The following FMNL2 variants were observed in gnomAD, a reference collection of about 807,000 sequenced individuals.
FMNL2 encodes formin like 2.
FMNL2 carries 51 observed loss-of-function variants against 130.2 expected under a neutral mutation model. The ratio of observed to expected loss-of-function variants is 0.39; its 90% CI spans 0.31 to 0.49. The LOEUF is 0.49. FMNL2 is among the 20% of genes least tolerant of loss of function. FMNL2 has a pLI of 0.85. For missense variants in FMNL2, 977 were observed against 1,316.2 expected (o/e 0.74, Z 3.99); for synonymous variants, 465 against 467.1 (o/e 1.00, Z 0.06).
intron 1 of FMNL2, among the ~76,000 whole-genome samples, chr2:152,412,446 TTATATATATATA>T (rs56681937): frequency 3.2e-3 from 329 of 103,076 alleles, no homozygotes; most frequent in Middle Eastern, 9.8e-3. Flanking sequence ...TCTGTATATT[TTATATATATATA>T]TATATATATA....
chr2:152,504,523 G>A (rs1692043114), intron 1 of FMNL2, among the ~76,000 whole-genome samples: 1 of 151,504 alleles, frequency 6.6e-6, no homozygotes, highest in Non-Finnish European at 1.5e-5. Context: ...GGGATTACAG[G>A]CATGAGCCAC....
chr2:152,557,963 G>A (rs1450664465), intron 4 of FMNL2, among the ~76,000 whole-genome samples: 9 of 152,110 alleles, frequency 5.9e-5, no homozygotes, highest in Admixed American at 5.9e-4. Flanking sequence ...GTAAAAGGGG[G>A]TGGTGACATT....
rs538758530 is a variant in FMNL2 at position 152,621,619 on chromosome 2, A to C, written c.1837+1901A>C. Among the ~76,000 whole-genome samples the C allele has an allele frequency of 2.0e-5, 3 of 152,290 alleles. No homozygotes were observed. In the South Asian group the frequency reaches 6.2e-4, roughly 32 times the overall value. On this transcript the variant is annotated intron_variant, in intron 15 of 25. Transcript: ENST00000288670. ...AGTGTCCACTAAATGATTGTGAGGG[A>C]TGTCTTGGAAGCATTATAAGATCCT...
At chr2:152,351,918 G>A (rs961678832) in intron 1 of FMNL2, among the ~76,000 whole-genome samples, 7 of 152,308 alleles carry the variant, frequency 4.6e-5, no homozygotes, top group South Asian at 2.1e-4. Flanking sequence ...GTATCTCATC[G>A]TGGTTTTGAT....
intron 1 of FMNL2, among the ~76,000 whole-genome samples, chr2:152,449,858 C>T (rs903651236): frequency 1.1e-4 from 17 of 152,190 alleles, no homozygotes; most frequent in Non-Finnish European, 5.9e-5. Context: ...GCATAACCTT[C>T]CTACATTTTC....
At chr2:152,500,059 G>C (rs1488486218) in intron 1 of FMNL2, among the ~76,000 whole-genome samples, 2 of 152,194 alleles carry the variant, frequency 1.3e-5, no homozygotes, top group East Asian at 3.9e-4. Context: ...TACTTTATTA[G>C]AGCTCACCCG....
rs571847429 is a variant in FMNL2 at position 152,592,845 on chromosome 2, T to C, written c.876+11796T>C. ...ATAACATGTCTCACATTCCAGGCAC[T>C]TTCCACACATGTTCGTATATTGTCC... On this transcript the variant is annotated intron_variant, in intron 9 of 25. Coordinates refer to ENST00000288670, the MANE Select transcript of FMNL2 (RefSeq NM_052905.4). 1.1e-4 allele frequency among the ~76,000 whole-genome samples: 16 copies of C among 152,296 alleles called. No individual in the cohort carries two copies. In the South Asian group the frequency reaches 3.3e-3, roughly 32 times the overall value.
intron 1 of FMNL2, among the ~76,000 whole-genome samples, chr2:152,405,051 A>G (rs1447768792): frequency 6.6e-6 from 1 of 152,196 alleles, no homozygotes; most frequent in Non-Finnish European, 1.5e-5. Flanking sequence ...GTATTCTGAC[A>G]TGTTGAGAAA....
chr2:152,369,834 T>G (rs899512459), intron 1 of FMNL2, among the ~76,000 whole-genome samples: 5 of 152,230 alleles, frequency 3.3e-5, no homozygotes, highest in African/African-American at 4.8e-5. Context: ...GGAAGGCATT[T>G]ATAGCATAAT....
intron 9 of FMNL2, among the ~76,000 whole-genome samples, chr2:152,588,911 T>C (rs536166946): frequency 7.9e-5 from 12 of 152,206 alleles, no homozygotes; most frequent in Non-Finnish European, 1.6e-4. Flanking sequence ...CAATTAACAG[T>C]GGGCTCAGCA....
At chr2:152,410,775 T>A (rs1363975583) in intron 1 of FMNL2, among the ~76,000 whole-genome samples, 1 of 152,160 alleles carries the variant, frequency 6.6e-6, no homozygotes, top group Non-Finnish European at 1.5e-5. Flanking sequence ...AAAAAGTGAA[T>A]CCTATCCCCA....
At chr2:152,514,737 A>G (rs1301763419) in intron 1 of FMNL2, among the ~76,000 whole-genome samples, 2 of 152,212 alleles carry the variant, frequency 1.3e-5, no homozygotes, top group Non-Finnish European at 2.9e-5. Context: ...ATACTATAAT[A>G]AAAGTTTATG....
intron 9 of FMNL2, among the ~76,000 whole-genome samples, chr2:152,586,421 T>C (rs1373303938): frequency 6.6e-6 from 1 of 152,220 alleles, no homozygotes. Flanking sequence ...TTATTTATAG[T>C]GGACCAAATT....
rs187086301 is a variant in FMNL2, at chr2:152,429,318, C to T, written c.118-92625C>T. Among the ~76,000 whole-genome samples the T allele has an allele frequency of 2.1e-3, 316 of 152,056 alleles. 2 individuals carry two copies. Among genetic ancestry groups the T allele is most frequent in the African/African-American group, 7.4e-3 (308 of 41,462 alleles). The stretch of plus-strand genomic sequence containing the variant: ...AGAGCTGTCCCTTTCTAGGCCGGTG[C>T]CCCTGCCTTACATTGTGTGTAAACT... On this transcript the variant is annotated intron_variant, in intron 1 of 25. Coordinates refer to ENST00000288670, the MANE Select transcript of FMNL2 (RefSeq NM_052905.4).
chr2:152,490,960 A>G (rs1346166077), intron 1 of FMNL2, among the ~76,000 whole-genome samples: 1 of 152,126 alleles, frequency 6.6e-6, no homozygotes. Context: ...CTTGCCTGCC[A>G]TGTGCCTTGG....
chr2:152,409,544 T>C (rs1686172640), intron 1 of FMNL2, among the ~76,000 whole-genome samples: 1 of 152,228 alleles, frequency 6.6e-6, no homozygotes, highest in Non-Finnish European at 1.5e-5. Flanking sequence ...TGGTGAAGTT[T>C]CACAGTCTTG....
intron 9 of FMNL2, among the ~76,000 whole-genome samples, chr2:152,607,090 A>G (rs1047131389): frequency 6.6e-6 from 1 of 151,334 alleles, no homozygotes; most frequent in Non-Finnish European, 1.5e-5. Context: ...AAGGCAACCA[A>G]TGAAAGAAAA....
chr2:152,493,875 C>T (rs1031710982), intron 1 of FMNL2, among the ~76,000 whole-genome samples: 2 of 152,180 alleles, frequency 1.3e-5, no homozygotes, highest in Non-Finnish European at 2.9e-5. Flanking sequence ...CAAATAGTCA[C>T]CTTTAATTTG....
chr2:152,556,248 A>G (rs936740158), intron 4 of FMNL2, among the ~76,000 whole-genome samples: 1 of 152,338 alleles, frequency 6.6e-6, no homozygotes, highest in African/African-American at 2.4e-5. Context: ...GAAGGTAGCC[A>G]GCCCTGAAAG....
Sources: gnomAD v4.1 joint callset for allele counts (sites outside exome capture counted in the v4.1 genomes callset) on GRCh38, gnomAD v4.1.1 for gene constraint, MANE v1.5 for transcripts, NCBI Gene and HGNC (gene_info 2026-07-23, HGNC 2026-07-21) for gene names.